MTCL3: variants seen among roughly 807,000 people sequenced by gnomAD.
The protein encoded by MTCL3 is MTCL family member 3.
the MTCL3 span, among the ~76,000 whole-genome samples, chr6:127,504,375 A>G: frequency 2.6e-4 from 40 of 152,308 alleles, no homozygotes; most frequent in South Asian, 7.9e-3. Flanking sequence ...ACCTGGTGAC[A>G]TTATCTGTTA....
chr6:127,504,045 G>A, the MTCL3 span, among the ~76,000 whole-genome samples: 1 of 152,134 alleles, frequency 6.6e-6, no homozygotes, highest in African/African-American at 2.4e-5. Context: ...GTCTCAAGGA[G>A]TTTACAGTCA....
the MTCL3 span, among the ~76,000 whole-genome samples, chr6:127,495,176 G>A: frequency 1.2e-4 from 17 of 147,064 alleles, no homozygotes; most frequent in South Asian, 8.7e-4. Flanking sequence ...CAGCCTGGGC[G>A]ACAGAGCATG....
At chr6:127,516,469 G>A in the MTCL3 span, 4 of 1,599,790 alleles carry the variant, frequency 2.5e-6, no homozygotes, top group Non-Finnish European at 3.4e-6. Flanking sequence ...CTGTCGCAGC[G>A]AACTGTCCCT....
the MTCL3 span, chr6:127,482,812 C>A: frequency 2.3e-6 from 2 of 857,794 alleles, no homozygotes; most frequent in South Asian, 2.5e-5. This position sits in a 1 kb window ranked among gnomAD's most constrained non-coding sequence, Gnocchi z 4.1. Flanking sequence ...CTTTGTTTTG[C>A]ATAAGTTTAT....
At chr6:127,477,364 C>T in the MTCL3 span, among the ~76,000 whole-genome samples, 1 of 152,184 alleles carries the variant, frequency 6.6e-6, no homozygotes, top group Admixed American at 6.5e-5. Context: ...GGAAATCTTT[C>T]TCTGAGGGAT....
the MTCL3 span, among the ~76,000 whole-genome samples, chr6:127,487,239 G>A: frequency 6.6e-6 from 1 of 152,110 alleles, no homozygotes; most frequent in South Asian, 2.1e-4. Flanking sequence ...GACAGAAAAA[G>A]GTGCAATTTA....
chr6:127,477,959 G>GA, the MTCL3 span, among the ~76,000 whole-genome samples: 156 of 150,414 alleles, frequency 1.0e-3, 1 homozygote, highest in East Asian at 5.0e-3. Context: ...AAGCATAAAA[G>GA]AAAAAAAAAT....
the MTCL3 span, among the ~76,000 whole-genome samples, chr6:127,495,278 C>T: frequency 6.6e-6 from 1 of 151,860 alleles, no homozygotes; most frequent in South Asian, 2.1e-4. Context: ...ACAACAAATG[C>T]AGAGATGTAT....
the MTCL3 span, among the ~76,000 whole-genome samples, chr6:127,501,877 C>T: frequency 6.6e-6 from 1 of 152,146 alleles, no homozygotes; most frequent in Non-Finnish European, 1.5e-5. Flanking sequence ...AATTGTATTT[C>T]CATTCAAATT....
At chr6:127,489,587 A>G in the MTCL3 span, among the ~76,000 whole-genome samples, 4 of 152,248 alleles carry the variant, frequency 2.6e-5, no homozygotes, top group Admixed American at 1.3e-4. Context: ...CACACAAATA[A>G]TAAGAAAGCA....
the MTCL3 span, chr6:127,476,530 A>G: frequency 7.4e-7 from 1 of 1,345,704 alleles, no homozygotes; most frequent in Non-Finnish European, 1.0e-6. The surrounding 1 kb of genome is among the most constrained non-coding windows in gnomAD (Gnocchi z 4.4). Flanking sequence ...CAAGGAAACA[A>G]CCAAAAGAGG....
At chr6:127,495,668 C>T in the MTCL3 span, among the ~76,000 whole-genome samples, 1 of 152,088 alleles carries the variant, frequency 6.6e-6, no homozygotes, top group Non-Finnish European at 1.5e-5. Context: ...TTTCATAATA[C>T]AAATTTAAAG....
chr6:127,475,624 G>A, the MTCL3 span: 1 of 1,599,124 alleles, frequency 6.3e-7, no homozygotes, highest in African/African-American at 1.3e-5. This position sits in a 1 kb window ranked among gnomAD's most constrained non-coding sequence, Gnocchi z 7.3. Flanking sequence ...GGGCCCGGGC[G>A]CCGGGTAGAA....
the MTCL3 span, among the ~76,000 whole-genome samples, chr6:127,479,048 G>GGGA: frequency 6.6e-6 from 1 of 151,692 alleles, no homozygotes; most frequent in Admixed American, 6.6e-5. Flanking sequence ...AAGAGAAAGG[G>GGGA]GGAGACAGGT....
chr6:127,501,290 A>G, the MTCL3 span, among the ~76,000 whole-genome samples: 2 of 152,216 alleles, frequency 1.3e-5, no homozygotes, highest in East Asian at 3.8e-4. Flanking sequence ...AATAAACCCA[A>G]TAGCTACATT....
At chr6:127,498,484 T>A in the MTCL3 span, among the ~76,000 whole-genome samples, 1 of 152,180 alleles carries the variant, frequency 6.6e-6, no homozygotes, top group Non-Finnish European at 1.5e-5. Flanking sequence ...CTGGTGGGAA[T>A]GTAAAATGGT....
At chr6:127,486,233 A>C in the MTCL3 span, among the ~76,000 whole-genome samples, 2 of 152,180 alleles carry the variant, frequency 1.3e-5, no homozygotes, top group Non-Finnish European at 2.9e-5. Context: ...TTAAGCTCAA[A>C]TAAAGCTCTG....
the MTCL3 span, chr6:127,515,446 G>A: frequency 5.9e-6 from 8 of 1,360,850 alleles, no homozygotes; most frequent in Middle Eastern, 8.0e-4. The surrounding 1 kb of genome is among the most constrained non-coding windows in gnomAD (Gnocchi z 4.3). Context: ...GATCCCTGCC[G>A]GTACACGCCC....
At chr6:127,496,052 A>G in the MTCL3 span, among the ~76,000 whole-genome samples, 2 of 152,200 alleles carry the variant, frequency 1.3e-5, no homozygotes, top group Non-Finnish European at 2.9e-5. Context: ...CAACATGGTG[A>G]AACCCCATCT....
Sources: gnomAD v4.1 joint callset for allele counts (sites outside exome capture counted in the v4.1 genomes callset) on GRCh38, gnomAD v4.1.1 for gene constraint, Gnocchi (gnomAD v3.1) non-coding constraint, MANE v1.5 for transcripts, NCBI Gene and HGNC (gene_info 2026-07-23, HGNC 2026-07-21) for gene names.